The following PCDHA10 variants were observed in gnomAD, a reference collection of about 807,000 sequenced individuals.
PCDHA10 encodes protocadherin alpha 10.
Under a neutral mutation model 61.2 loss-of-function variants are expected in PCDHA10, and 45 were observed. The ratio of observed to expected loss-of-function variants is 0.74; its 90% CI spans 0.58 to 0.94. PCDHA10 has a LOEUF of 0.94. PCDHA10 is among the 40% of genes least tolerant of loss of function. The pLI, the probability that PCDHA10 is intolerant of heterozygous loss-of-function variation, is 0.00. For missense variants in PCDHA10, 1,278 were observed against 1,236.2 expected, an observed-to-expected ratio of 1.03 and a Z score of -0.51; for synonymous variants, 602 against 548.8, an observed-to-expected ratio of 1.10 and a Z score of -1.35.
chr5:140,981,489 G>A (rs1554242906), intron 2 of PCDHA10, among the ~76,000 whole-genome samples: 1 of 152,194 alleles, frequency 6.6e-6, no homozygotes, highest in Non-Finnish European at 1.5e-5. Flanking sequence ...CAGGAGAATT[G>A]CTTGAACCTG....
At chr5:140,968,841 A>G in intron 1 of PCDHA10, 1 of 1,614,222 alleles carries the variant, frequency 6.2e-7, no homozygotes, top group Middle Eastern at 1.6e-4. Context: ...CCTGACACTC[A>G]GAGGCATGTT....
intron 1 of PCDHA10, among the ~76,000 whole-genome samples, chr5:140,886,751 G>A (rs1156754601): frequency 2.0e-5 from 3 of 151,312 alleles, no homozygotes; most frequent in African/African-American, 7.3e-5. Context: ...GCTTGAACCC[G>A]GGAGGTGGAG....
intron 1 of PCDHA10, among the ~76,000 whole-genome samples, chr5:140,918,282 C>CT (rs1554198523): frequency 6.6e-6 from 1 of 152,016 alleles, no homozygotes; most frequent in African/African-American, 2.4e-5. Context: ...GATGTAGGAG[C>CT]TTTTTGGCAG....
intron 1 of PCDHA10, among the ~76,000 whole-genome samples, chr5:140,894,986 A>G (rs1380930076): frequency 6.6e-6 from 1 of 152,194 alleles, no homozygotes; most frequent in Non-Finnish European, 1.5e-5. Flanking sequence ...ACTTTGTGAC[A>G]TCCTTTACCC....
intron 3 of PCDHA10, among the ~76,000 whole-genome samples, chr5:140,996,702 T>A (rs2097740306): frequency 6.6e-6 from 1 of 152,174 alleles, no homozygotes; most frequent in African/African-American, 2.4e-5. Context: ...TGAACCTCTA[T>A]CTCTTTGATT....
At chr5:140,911,759 T>A (rs2075630155) in intron 1 of PCDHA10, among the ~76,000 whole-genome samples, 3 of 152,026 alleles carry the variant, frequency 2.0e-5, no homozygotes, top group South Asian at 2.1e-4. Context: ...TTCTCCATAC[T>A]ATTAGAAGTA....
intron 1 of PCDHA10, among the ~76,000 whole-genome samples, chr5:140,913,707 A>T (rs1355291016): frequency 6.6e-6 from 1 of 152,120 alleles, no homozygotes; most frequent in Non-Finnish European, 1.5e-5. Flanking sequence ...CAATGTAGGC[A>T]ATTACAGCTA....
intron 1 of PCDHA10, among the ~76,000 whole-genome samples, chr5:140,886,192 G>A (rs2060891690): frequency 6.6e-6 from 1 of 152,118 alleles, no homozygotes; most frequent in Non-Finnish European, 1.5e-5. Context: ...CTGGCAAGCA[G>A]TAATCTGTTC....
intron 2 of PCDHA10, 118 bp downstream of exon 2, chr5:140,979,125 C>A (rs782380399): frequency 8.7e-5 from 128 of 1,479,726 alleles, no homozygotes; most frequent in Non-Finnish European, 1.0e-4. Flanking sequence ...GGTACTTTGC[C>A]AGGAAAATGC....
intron 1 of PCDHA10, among the ~76,000 whole-genome samples, chr5:140,961,590 A>C (rs1554225489): frequency 2.0e-5 from 3 of 152,100 alleles, no homozygotes; most frequent in Non-Finnish European, 4.4e-5. Flanking sequence ...TATTTTGGCA[A>C]TGATTCTAGT....
intron 1 of PCDHA10, among the ~76,000 whole-genome samples, chr5:140,925,287 A>G (rs905857397): frequency 4.7e-4 from 72 of 152,294 alleles, no homozygotes; most frequent in African/African-American, 1.7e-3. Context: ...TGCCTTTCAA[A>G]TGTTTCATTA....
At chr5:140,871,254 T>A in intron 1 of PCDHA10, 1 of 1,613,952 alleles carries the variant, frequency 6.2e-7, no homozygotes, top group Non-Finnish European at 8.5e-7. Context: ...TGCTGCTGTA[T>A]ACGGCGCTGT....
intron 1 of PCDHA10, chr5:140,884,317 G>A (rs1401667312): frequency 3.1e-6 from 5 of 1,613,662 alleles, no homozygotes; most frequent in African/African-American, 2.7e-5. Flanking sequence ...CGAGGGCGTC[G>A]GCAGGCGCTG....
intron 1 of PCDHA10, chr5:140,865,048 T>A (rs2048709545): frequency 1.3e-5 from 2 of 152,178 alleles, no homozygotes; most frequent in Admixed American, 1.3e-4. Flanking sequence ...AAAAATGTCA[T>A]TGTTTTTAAT....
At chr5:140,860,151 GTGTATATATATA>G (rs1350684051) in intron 1 of PCDHA10, 1 of 149,616 alleles carries the variant, frequency 6.7e-6, no homozygotes, top group African/African-American at 2.5e-5. Context: ...ATGTATATAT[GTGTATATATATA>G]TGTATATATA....
chr5:140,974,146 A>G (rs1208366709), intron 1 of PCDHA10, among the ~76,000 whole-genome samples: 1 of 152,260 alleles, frequency 6.6e-6, no homozygotes, highest in Non-Finnish European at 1.5e-5. Context: ...TGAAAACTAT[A>G]CAAGGGTTTT....
chr5:140,971,902 T>G (rs1554233695), intron 1 of PCDHA10, among the ~76,000 whole-genome samples: 2 of 152,280 alleles, frequency 1.3e-5, no homozygotes, highest in Admixed American at 1.3e-4. Flanking sequence ...GGTTAGGTAA[T>G]CTACACAGCC....
intron 1 of PCDHA10, among the ~76,000 whole-genome samples, chr5:140,956,777 G>A (rs1470027067): frequency 6.6e-6 from 1 of 152,022 alleles, no homozygotes; most frequent in Admixed American, 6.6e-5. Context: ...GTCTGGTCCT[G>A]GGCTTTGTTT....
At chr5:140,929,213 A>G (rs199608631) in intron 1 of PCDHA10, 6 of 1,613,934 alleles carry the variant, frequency 3.7e-6, no homozygotes, top group Admixed American at 1.7e-5. Context: ...TTGCGTGGGG[A>G]GTACAATGCT....
Sources: allele counts gnomAD v4.1 joint callset (sites outside exome capture counted in the v4.1 genomes callset), GRCh38; gene constraint gnomAD v4.1.1; transcripts MANE v1.5; gene names NCBI Gene and HGNC (gene_info 2026-07-23, HGNC 2026-07-21).